EYS: variants seen among roughly 807,000 people sequenced by gnomAD.
The protein encoded by EYS is EGF-like photoreceptor maintenance factor, also known as protein eyes shut homolog.
EYS carries 250 observed loss-of-function variants against 282.1 expected under a neutral mutation model. That is an observed-to-expected ratio of 0.89 (90% CI 0.80 to 0.98). The LOEUF (loss-of-function observed/expected upper bound fraction) is 0.98. Ranked by LOEUF, EYS falls within the 50% of genes least tolerant of loss-of-function variation. The pLI is 0.00. For synonymous variants in EYS, 1,355 were observed against 1,282.9 expected, an observed-to-expected ratio of 1.06 and a Z score of -1.20; for missense variants, 4,016 against 3,709.0, an observed-to-expected ratio of 1.08 and a Z score of -2.15.
At chr6:64,941,582 G>A (rs1769092363) in intron 15 of EYS, among the ~76,000 whole-genome samples, 1 of 152,146 alleles carries the variant, frequency 6.6e-6, no homozygotes, top group East Asian at 1.9e-4. Context: ...GTATCCAACA[G>A]TCAGTTTTTC....
intron 29 of EYS, among the ~76,000 whole-genome samples, chr6:64,350,543 C>G (rs1354423912): frequency 1.3e-5 from 2 of 151,572 alleles, no homozygotes; most frequent in Non-Finnish European, 3.0e-5. Context: ...CTCAACCCCA[C>G]TCTCCTCTGG....
intron 12 of EYS, among the ~76,000 whole-genome samples, chr6:65,292,722 C>A (rs576016583): frequency 6.6e-6 from 1 of 151,502 alleles, no homozygotes; most frequent in African/African-American, 2.4e-5. Context: ...GAAATGCAAA[C>A]GTGGTTGAAA....
In EYS at chr6:64,231,328, A is replaced by G. The variant is rs556379516; in HGVS notation, c.6192-504T>C. ...TTTTACAAATTTTAATACCAGTTTAATTTTTTCTTTACAATAAATAATGAA... is the reference window on the plus strand; with the variant it reads ...TTTTACAAATTTTAATACCAGTTTAGTTTTTTCTTTACAATAAATAATGAA... On this transcript the variant is annotated intron_variant, in intron 30 of 42. Transcript: ENST00000503581. Among the ~76,000 whole-genome samples the G allele has an allele frequency of 5.9e-4, 89 of 152,074 alleles. 1 individual carries two copies. The highest frequency in any genetic ancestry group is 1.1e-3 in the Non-Finnish European group (72 of 67,976).
intron 28 of EYS, among the ~76,000 whole-genome samples, chr6:64,393,362 C>T (rs1773231508): frequency 1.3e-5 from 2 of 152,164 alleles, no homozygotes; most frequent in South Asian, 2.1e-4. Context: ...CCTTGATGAA[C>T]ATTGATGCAA....
In EYS at chr6:65,557,468, G is replaced by A. The variant is rs557587007; in HGVS notation, c.-332-61475C>T. 9.1e-4 allele frequency among the ~76,000 whole-genome samples: 138 copies of A among 152,324 alleles called. 1 individual carries two copies. The South Asian group carries it at 0.021, about 23-fold the overall frequency. On this transcript the variant is annotated intron_variant, in intron 2 of 42. Coordinates refer to ENST00000503581, the MANE Select transcript of EYS (RefSeq NM_001142800.2). ...CAACATGCCACAAGCAGTCTCTGCT[G>A]CAGGCACCAGCATCCAGAGGAGGAG... is the stretch of plus-strand genomic sequence containing the variant.
At chr6:65,437,569 T>G (rs937638734) in intron 5 of EYS, among the ~76,000 whole-genome samples, 1 of 152,280 alleles carries the variant, frequency 6.6e-6, no homozygotes, top group South Asian at 2.1e-4. Context: ...TTTACCCACA[T>G]AATAACATAT....
chr6:63,932,151 A>G (rs1437963342), intron 35 of EYS, among the ~76,000 whole-genome samples: 2 of 152,192 alleles, frequency 1.3e-5, no homozygotes, highest in African/African-American at 2.4e-5. Flanking sequence ...TATTGCCACA[A>G]ATGACAGGAT....
chr6:64,186,533 C>T (rs1310045261), intron 31 of EYS, among the ~76,000 whole-genome samples: 1 of 152,118 alleles, frequency 6.6e-6, no homozygotes, highest in East Asian at 1.9e-4. Flanking sequence ...TATGCATCTT[C>T]CTTTTTCTTT....
intron 26 of EYS, among the ~76,000 whole-genome samples, chr6:64,459,446 G>A (rs963286762): frequency 6.6e-6 from 1 of 152,136 alleles, no homozygotes; most frequent in Non-Finnish European, 1.5e-5. Context: ...TATATTTGAA[G>A]GGGATTTTAT....
intron 22 of EYS, among the ~76,000 whole-genome samples, chr6:64,725,806 G>C (rs903815648): frequency 2.6e-5 from 4 of 151,750 alleles, no homozygotes; most frequent in Non-Finnish European, 2.9e-5. Flanking sequence ...AACCTCTTCT[G>C]TTTAATCAAG....
chr6:65,652,518 G>A (rs1767692669), intron 1 of EYS, among the ~76,000 whole-genome samples: 1 of 151,926 alleles, frequency 6.6e-6, no homozygotes, highest in African/African-American at 2.4e-5. Flanking sequence ...TTTAATGTAT[G>A]TTCAAATCAC....
intron 12 of EYS, among the ~76,000 whole-genome samples, chr6:65,130,026 G>A (rs9445471): frequency 0.099 from 14,975 of 151,810 alleles, 1,005 homozygotes; most frequent in African/African-American, 0.19. Context: ...TGTAGCTGGA[G>A]GCCATTATAC....
Position 63,984,620 on chromosome 6 carries a change from AAC to A in EYS, c.6835-19_6835-18del. ...AAAATATGCCTGTAGAAAAAGTAAC[AAC>A]AAAAAATATTATAGGTTGTTGTCAG... On this transcript the variant is annotated intron_variant, in intron 34 of 42. Transcript: ENST00000503581. 6.7e-7 allele frequency: 1 copy of A among 1,482,434 alleles called. No homozygotes were observed. 91.8% of individuals were successfully genotyped at this position (1,482,434 alleles called of 1,614,324 possible). A position where few individuals can be genotyped will look rare whatever the true frequency, so the allele number is the denominator to read the frequency against.
intron 22 of EYS, among the ~76,000 whole-genome samples, chr6:64,711,949 C>T (rs942315912): frequency 6.6e-6 from 1 of 152,004 alleles, no homozygotes; most frequent in African/African-American, 2.4e-5. Flanking sequence ...TGTGGAGAAA[C>T]AATTAGGAAA....
intron 5 of EYS, among the ~76,000 whole-genome samples, chr6:65,454,786 C>T (rs1197829935): frequency 1.3e-5 from 2 of 151,880 alleles, no homozygotes; most frequent in South Asian, 2.1e-4. Context: ...GTGTGTTCTT[C>T]TTACCTTTGT....
At chr6:65,288,147 C>T (rs899381210) in intron 12 of EYS, among the ~76,000 whole-genome samples, 3 of 151,064 alleles carry the variant, frequency 2.0e-5, no homozygotes, top group African/African-American at 7.3e-5. Flanking sequence ...CTTTAGCCCT[C>T]TTTCTATTTC....
chr6:64,878,252 G>A (rs932181309), intron 19 of EYS, among the ~76,000 whole-genome samples: 3 of 151,956 alleles, frequency 2.0e-5, no homozygotes, highest in African/African-American at 7.2e-5. Flanking sequence ...TAATAATAAT[G>A]GAGAGAATCC....
At chr6:64,664,516 A>C (rs1210011144) in intron 22 of EYS, among the ~76,000 whole-genome samples, 1 of 152,190 alleles carries the variant, frequency 6.6e-6, no homozygotes, top group Non-Finnish European at 1.5e-5. Flanking sequence ...TATTTGGCCA[A>C]AAGAGTTAAA....
chr6:64,784,897 T>C (rs189437218), intron 22 of EYS, among the ~76,000 whole-genome samples: 2 of 152,208 alleles, frequency 1.3e-5, no homozygotes, highest in East Asian at 3.9e-4. Flanking sequence ...TCAGTTGTAT[T>C]CGAGGCCCCT....
Sources: allele counts gnomAD v4.1 joint callset (sites outside exome capture counted in the v4.1 genomes callset), GRCh38; gene constraint gnomAD v4.1.1; transcripts MANE v1.5; gene names NCBI Gene and HGNC (gene_info 2026-07-23, HGNC 2026-07-21).